Variants in SBF2 observed in about 807,000 individuals in gnomAD.
SBF2 encodes the protein SET binding factor 2.
Under a neutral mutation model 225.2 loss-of-function variants are expected in SBF2, and 112 were observed. The ratio of observed to expected loss-of-function variants is 0.50; its 90% CI spans 0.43 to 0.58. SBF2 has a LOEUF of 0.58. Ranked by LOEUF, SBF2 falls within the 20% of genes least tolerant of loss-of-function variation. SBF2 has a pLI of 0.00. For missense variants in SBF2, 1,996 were observed against 2,206.2 expected, an observed-to-expected ratio of 0.90 and a Z score of 1.91; for synonymous variants, 763 against 773.3, an observed-to-expected ratio of 0.99 and a Z score of 0.22.
intron 16 of SBF2, among the ~76,000 whole-genome samples, chr11:9,900,252 T>G (rs894609481): frequency 1.3e-5 from 2 of 152,306 alleles, no homozygotes; most frequent in South Asian, 4.1e-4. Flanking sequence ...AATTTCATTT[T>G]AAAGAATCAA....
chr11:9,851,482 T>C (rs1856949642), intron 21 of SBF2, among the ~76,000 whole-genome samples: 6 of 152,182 alleles, frequency 3.9e-5, no homozygotes. Context: ...CTTGGCCACG[T>C]AATGAACATT....
intron 2 of SBF2, among the ~76,000 whole-genome samples, chr11:10,168,031 AAAAC>A (rs763094185): frequency 2.2e-4 from 34 of 152,170 alleles, no homozygotes; most frequent in East Asian, 3.9e-4. Context: ...ACAAAAAACA[AAAAC>A]AAAGTAACAG....
chr11:10,002,460 A>G (rs1353871015), intron 7 of SBF2, 97 bp downstream of exon 7: 8 of 963,622 alleles, frequency 8.3e-6, no homozygotes, highest in Non-Finnish European at 3.2e-6. Context: ...AAATATCCCT[A>G]TGTGGTTCAA....
In SBF2 at chr11:10,272,250, C is replaced by T. The variant is rs1163223551; in HGVS notation, c.55+21765G>A. 1.4e-4 allele frequency: 149 copies of T among 1,044,536 alleles called. 52 individuals carry two copies. Among genetic ancestry groups the T allele is most frequent in the Middle Eastern group, 8.9e-4 (3 of 3,376 alleles). 64.7% of individuals were successfully genotyped at this position (1,044,536 alleles called of 1,614,324 possible). On this transcript the variant is annotated intron_variant, in intron 1 of 39. Transcript: ENST00000256190. ...AGCTGCAGGGCGCTCGCGCTAGCCC[C>T]GGAGGACATGGCGGCGGCGCTGGGC...
chr11:10,020,852 T>C (rs1948826633), intron 6 of SBF2, among the ~76,000 whole-genome samples: 1 of 147,768 alleles, frequency 6.8e-6, no homozygotes, highest in Admixed American at 7.3e-5. Context: ...TTAATAACTT[T>C]TATGTACAAA....
intron 16 of SBF2, among the ~76,000 whole-genome samples, chr11:9,930,988 T>C (rs894105940): frequency 1.3e-5 from 2 of 152,240 alleles, no homozygotes; most frequent in Admixed American, 6.5e-5. Context: ...CACAGAGCCT[T>C]GCTCACTGCA....
At chr11:9,805,816 G>A (rs988753502) in intron 32 of SBF2, among the ~76,000 whole-genome samples, 7 of 152,106 alleles carry the variant, frequency 4.6e-5, no homozygotes, top group East Asian at 1.9e-4. Context: ...TAGAGATGGG[G>A]TTTCACCATG....
At chr11:9,867,942 G>A (rs1271654558) in intron 17 of SBF2, among the ~76,000 whole-genome samples, 1 of 152,146 alleles carries the variant, frequency 6.6e-6, no homozygotes, top group African/African-American at 2.4e-5. Flanking sequence ...TCTAGTGTTT[G>A]ACAGCACAGC....
Position 10,137,735 on chromosome 11 carries a change from G to A in SBF2, c.141+56167C>T, listed in dbSNP as rs181855830. 1.1e-3 allele frequency among the ~76,000 whole-genome samples: 165 copies of A among 152,216 alleles called. 1 individual carries two copies. Among genetic ancestry groups the A allele is most frequent in the Admixed American group, 1.8e-3 (27 of 15,292 alleles). On this transcript the variant is annotated intron_variant, in intron 2 of 39. Transcript: ENST00000256190. ...TAAAAAATAAATTGAGGCCGGGCGC[G>A]GTGGTTCACGTCTGTAATCCCAGCA...
chr11:9,952,010 C>T (rs192742931), intron 16 of SBF2, among the ~76,000 whole-genome samples: 2 of 152,336 alleles, frequency 1.3e-5, no homozygotes, highest in South Asian at 2.1e-4. Context: ...TCAACCTCCA[C>T]ATCTTTAATA....
chr11:9,978,423 CTAA>C (rs1397492604), intron 13 of SBF2, among the ~76,000 whole-genome samples: 2 of 151,688 alleles, frequency 1.3e-5, no homozygotes, highest in Admixed American at 1.3e-4. Flanking sequence ...ATGCCTGGCA[CTAA>C]TAAGTACTTA....
chr11:10,004,775 A>G (rs1948123816), intron 6 of SBF2, among the ~76,000 whole-genome samples: 1 of 151,992 alleles, frequency 6.6e-6, no homozygotes, highest in African/African-American at 2.4e-5. Context: ...CTATTCCTCT[A>G]TCTTCCTCTC....
chr11:10,182,205 C>T (rs1051802784), intron 2 of SBF2, among the ~76,000 whole-genome samples: 4 of 152,088 alleles, frequency 2.6e-5, no homozygotes, highest in South Asian at 2.1e-4. Context: ...ATGTATAATT[C>T]GACAAAAAGC....
chr11:10,156,093 C>A (rs73412902), intron 2 of SBF2, among the ~76,000 whole-genome samples: 51 of 152,336 alleles, frequency 3.3e-4, no homozygotes, highest in African/African-American at 1.1e-3. Context: ...GGAAGCCCCC[C>A]CTATCCCCAC....
At chr11:10,108,413 G>T (rs558992876) in intron 2 of SBF2, among the ~76,000 whole-genome samples, 1 of 151,682 alleles carries the variant, frequency 6.6e-6, no homozygotes, top group South Asian at 2.1e-4. Flanking sequence ...TGTTAACTAT[G>T]AAGTGGTATT....
intron 2 of SBF2, among the ~76,000 whole-genome samples, chr11:10,152,912 T>G (rs1591078151): frequency 1.3e-5 from 2 of 152,264 alleles, no homozygotes; most frequent in East Asian, 3.9e-4. Context: ...TGAAAATCCG[T>G]AATACATTTT....
chr11:10,294,010 CT>C lies in SBF2; in HGVS notation c.55+4del. On this transcript the variant is annotated splice_donor_region_variant and intron_variant, in intron 1 of 39. Transcript: ENST00000256190. The stretch of plus-strand genomic sequence containing the variant: ...CCCGGGGGCGGTGCCGCCCCACACC[CT>C]TACCTGGCTTCTCGTGGTCATAGCC... The C allele has an allele frequency of 7.1e-7, 1 of 1,399,130 alleles. No homozygotes were observed. The highest frequency in any genetic ancestry group is 9.3e-7 in the Non-Finnish European group (1 of 1,070,548). 86.7% of individuals were successfully genotyped at this position (1,399,130 alleles called of 1,614,324 possible).
chr11:10,049,086 C>CA (rs1303769096), intron 2 of SBF2, among the ~76,000 whole-genome samples: 2 of 151,996 alleles, frequency 1.3e-5, no homozygotes, highest in Non-Finnish European at 2.9e-5. Context: ...ATACTTCAAC[C>CA]AAAAAAATCA....
chr11:10,012,127 C>G (rs1948482146), intron 6 of SBF2, among the ~76,000 whole-genome samples: 2 of 152,176 alleles, frequency 1.3e-5, no homozygotes, highest in South Asian at 4.2e-4. Flanking sequence ...TGCTGTTAAG[C>G]TCAGCTAGTG....
Sources: allele counts gnomAD v4.1 joint callset (sites outside exome capture counted in the v4.1 genomes callset), GRCh38; gene constraint gnomAD v4.1.1; transcripts MANE v1.5; gene names NCBI Gene and HGNC (gene_info 2026-07-23, HGNC 2026-07-21).